Variants in SENP7 observed in about 807,000 individuals in gnomAD.
The protein encoded by SENP7 is sentrin-specific protease 7.
In SENP7, 64 loss-of-function variants were observed where a neutral mutation model predicts 141.2. That is an observed-to-expected ratio of 0.45 (90% CI 0.37 to 0.56). The LOEUF is 0.56. SENP7 is among the 20% of genes least tolerant of loss of function. The probability of loss-of-function intolerance (pLI) is 0.00; values close to 1 mark genes in which losing one functional copy is unlikely to be tolerated. For missense variants in SENP7, 1,025 were observed against 1,212.2 expected (o/e 0.85, Z 2.29); for synonymous variants, 382 against 426.4 (o/e 0.90, Z 1.28).
chr3:101,375,227 A>G (rs75854513), intron 6 of SENP7, among the ~76,000 whole-genome samples: 3,168 of 152,290 alleles, frequency 0.021, 111 homozygotes, highest in East Asian at 0.15. Flanking sequence ...TCAAAAAGCT[A>G]AATAGAGAAC....
intron 4 of SENP7, among the ~76,000 whole-genome samples, chr3:101,421,974 A>T (rs950815043): frequency 6.6e-6 from 1 of 152,198 alleles, no homozygotes; most frequent in Non-Finnish European, 1.5e-5. Context: ...TCGTTAAAGC[A>T]GGGGTCCCCA....
At chr3:101,511,173 G>A (rs1486511088) in intron 1 of SENP7, among the ~76,000 whole-genome samples, 1 of 152,100 alleles carries the variant, frequency 6.6e-6, no homozygotes, top group Non-Finnish European at 1.5e-5. Context: ...GCTCTCTAGA[G>A]ATATAACTAA....
intron 4 of SENP7, among the ~76,000 whole-genome samples, chr3:101,442,567 C>A (rs1410704381): frequency 1.3e-5 from 2 of 152,108 alleles, no homozygotes; most frequent in East Asian, 1.9e-4. Context: ...CAGTACCAGT[C>A]CATGGCTCCA....
Position 101,476,578 on chromosome 3 carries a change from T to C in SENP7, c.186+17295A>G, listed in dbSNP as rs1219818475. On this transcript the variant is annotated intron_variant, in intron 3 of 23. Coordinates refer to ENST00000394095, the MANE Select transcript of SENP7 (RefSeq NM_020654.5). ...AAACATACATGTGCATGTATCTTTA[T>C]AGTAGAACCATTTATAATCCTTTGG... Among the ~76,000 whole-genome samples, 7 of 152,226 alleles carry C rather than the reference T, an allele frequency of 4.6e-5. No homozygotes were observed. In the East Asian group the frequency reaches 1.3e-3, roughly 29 times the overall value.
At chr3:101,339,958 A>G in intron 16 of SENP7, 137 bp downstream of exon 16, 3 of 1,120,876 alleles carry the variant, frequency 2.7e-6, no homozygotes, top group Non-Finnish European at 3.7e-6. Context: ...AACCTTGGTA[A>G]GCAAAAATTT....
At chr3:101,336,701 T>C (rs1205168727) in intron 17 of SENP7, among the ~76,000 whole-genome samples, 1 of 152,172 alleles carries the variant, frequency 6.6e-6, no homozygotes, top group Non-Finnish European at 1.5e-5. Flanking sequence ...TCAGATAGAT[T>C]ATCATACAAA....
At chr3:101,376,480 C>G (rs984277707) in intron 6 of SENP7, among the ~76,000 whole-genome samples, 2 of 152,054 alleles carry the variant, frequency 1.3e-5, no homozygotes, top group African/African-American at 4.8e-5. Context: ...AGAGTAACAT[C>G]AACAAGTAAA....
chr3:101,459,765 A>AT (rs1364492510), intron 3 of SENP7, among the ~76,000 whole-genome samples: 1 of 152,198 alleles, frequency 6.6e-6, no homozygotes, highest in Non-Finnish European at 1.5e-5. Flanking sequence ...GTAGTCCACG[A>AT]TTCGCAATAA....
At chr3:101,502,453 C>T (rs1006799174) in intron 1 of SENP7, among the ~76,000 whole-genome samples, 1 of 152,188 alleles carries the variant, frequency 6.6e-6, no homozygotes, top group Admixed American at 6.5e-5. Context: ...CAGGTATGCG[C>T]CACCATGCCA....
At chr3:101,427,540 CA>C (rs1287960238) in intron 4 of SENP7, among the ~76,000 whole-genome samples, 1 of 148,776 alleles carries the variant, frequency 6.7e-6, no homozygotes, top group African/African-American at 2.5e-5. Flanking sequence ...GAGCTAAAGT[CA>C]AAAACCACAT....
In SENP7 at chr3:101,417,601, T is replaced by A. The variant is rs774571398; in HGVS notation, c.474A>T (p.Leu158Phe). 2 of 1,612,556 alleles carry A rather than the reference T, an allele frequency of 1.2e-6. No individual in the cohort carries two copies. Among genetic ancestry groups the A allele is most frequent in the East Asian group, 4.5e-5 (2 of 44,866 alleles). Reference protein sequence around the residue: ...KLEPLRQSLNLSERIPRVILT... With the variant: ...KLEPLRQSLNFSERIPRVILT... ...AATACTGAACAACATACCTTTCAGA[T>A]AAATTAAGGCTTTGGCGAAGAGGTT... The change falls in exon 5 of 24, where the codon TTA becomes TTT. Residue 158 changes from leucine to phenylalanine, a missense_variant. By Grantham distance (22) the Leu-to-Phe change is conservative. Coordinates refer to ENST00000394095, the MANE Select transcript of SENP7 (RefSeq NM_020654.5).
At chr3:101,402,574 GC>G (rs761787416) in intron 5 of SENP7, among the ~76,000 whole-genome samples, 180 of 137,298 alleles carry the variant, frequency 1.3e-3, no homozygotes, top group Non-Finnish European at 2.2e-3. Context: ...ATGAGATCAT[GC>G]CACTGCATTA....
intron 6 of SENP7, among the ~76,000 whole-genome samples, chr3:101,382,922 A>G (rs1384971195): frequency 6.6e-6 from 1 of 152,254 alleles, no homozygotes; most frequent in Non-Finnish European, 1.5e-5. Context: ...TTTACAATAC[A>G]TATTACAAAG....
chr3:101,435,808 T>C (rs1385934680), intron 4 of SENP7, among the ~76,000 whole-genome samples: 3 of 152,148 alleles, frequency 2.0e-5, no homozygotes, highest in Admixed American at 1.3e-4. Context: ...TCCATGTTCA[T>C]AGATTGAAAG....
intron 7 of SENP7, among the ~76,000 whole-genome samples, chr3:101,371,265 TGTA>T (rs2060173367): frequency 6.6e-6 from 1 of 152,116 alleles, no homozygotes; most frequent in Non-Finnish European, 1.5e-5. Context: ...ATCATGCCAC[TGTA>T]CACCAGCCTG....
intron 1 of SENP7, among the ~76,000 whole-genome samples, chr3:101,508,591 C>T (rs6806784): frequency 1 from 151,951 of 152,256 alleles, 75,824 homozygotes; most frequent in Middle Eastern, 1. Flanking sequence ...AGAGTGAGAC[C>T]CCGTCTCCAA....
rs184446001 is a variant in SENP7 at position 101,458,643 on chromosome 3, A to C, written c.284+312T>G. On this transcript the variant is annotated intron_variant, in intron 4 of 23. Coordinates refer to ENST00000394095, the MANE Select transcript of SENP7 (RefSeq NM_020654.5). ...TAGCCTTTAAAAAATAAAAAAGAAG[A>C]AGCAGCAGAAATGGAACACCCTTTC... 1,522 of 171,178 alleles carry C rather than the reference A, an allele frequency of 8.9e-3. 28 individuals are homozygous for C. The highest frequency in any genetic ancestry group is 0.033 in the African/African-American group (1,381 of 41,746). 10.6% of individuals were successfully genotyped at this position (171,178 alleles called of 1,614,324 possible). A position where few individuals can be genotyped will look rare whatever the true frequency, so the allele number is the denominator to read the frequency against.
intron 4 of SENP7, among the ~76,000 whole-genome samples, chr3:101,434,587 C>A (rs148293857): frequency 6.1e-4 from 93 of 151,926 alleles, no homozygotes; most frequent in African/African-American, 2.2e-3. Context: ...AAAAAGGAGG[C>A]ATTACAACTG....
chr3:101,417,706 A>C lies in SENP7; in HGVS notation c.369T>G (p.Asn123Lys). The change falls in exon 5 of 24, where the codon AAT becomes AAG. Residue 123 changes from asparagine to lysine, a missense_variant. Physicochemically the swap from Asn to Lys is moderately conservative, Grantham distance 94 (BLOSUM62 0). Transcript: ENST00000394095. ...FRKTLPRNDA[N>K]LCDANKVQSD... ...ATTGCACCTTGTTGGCATCACATAA[A>C]TTAGCATCGTTTCTAGGTAGGGTCT... 6.2e-7 allele frequency: 1 copy of C among 1,614,002 alleles called. No homozygotes were observed. Among genetic ancestry groups the C allele is most frequent in the Non-Finnish European group, 8.5e-7 (1 of 1,179,868 alleles).
Sources: allele counts gnomAD v4.1 joint callset (sites outside exome capture counted in the v4.1 genomes callset), GRCh38; gene constraint gnomAD v4.1.1; transcripts MANE v1.5; gene names NCBI Gene and HGNC (gene_info 2026-07-23, HGNC 2026-07-21).